Variants in ZFYVE9 observed in about 807,000 individuals in gnomAD.
ZFYVE9 encodes the protein zinc finger FYVE-type containing 9, also known as zinc finger FYVE domain-containing protein 9.
A neutral mutation model predicts 126.7 loss-of-function variants in ZFYVE9; 43 were observed. The ratio of observed to expected loss-of-function variants is 0.34; its 90% confidence interval spans 0.27 to 0.44. The LOEUF is 0.44. ZFYVE9 is among the 20% of genes least tolerant of loss of function. The probability of loss-of-function intolerance (pLI) is 1.00; values close to 1 mark genes in which losing one functional copy is unlikely to be tolerated. For synonymous variants in ZFYVE9, 521 were observed against 597.4 expected (o/e 0.87, Z 1.87); for missense variants, 1,476 against 1,697.0 (o/e 0.87, Z 2.29).
chr1:52,285,168 C>G (rs1258852635), intron 10 of ZFYVE9, among the ~76,000 whole-genome samples: 1 of 152,074 alleles, frequency 6.6e-6, no homozygotes, highest in Non-Finnish European at 1.5e-5. Context: ...TCAGTTGCCT[C>G]TGTGTACCAT....
intron 13 of ZFYVE9, among the ~76,000 whole-genome samples, chr1:52,330,892 A>C (rs2147868275): frequency 6.6e-6 from 1 of 152,182 alleles, no homozygotes; most frequent in Admixed American, 6.5e-5. Flanking sequence ...TTTTTGAGAT[A>C]GTCTCCCTGT....
intron 15 of ZFYVE9, among the ~76,000 whole-genome samples, chr1:52,336,702 A>G (rs1340315119): frequency 6.6e-6 from 1 of 152,096 alleles, no homozygotes; most frequent in Non-Finnish European, 1.5e-5. Flanking sequence ...TAAAGCAACT[A>G]GTTAAAGCCT....
chr1:52,338,586 A>T (rs923871905), intron 16 of ZFYVE9, among the ~76,000 whole-genome samples: 4 of 152,218 alleles, frequency 2.6e-5, no homozygotes, highest in Admixed American at 2.6e-4. Flanking sequence ...TACACAACAA[A>T]GGGTGCTCTT....
chr1:52,237,476 A>G lies in ZFYVE9; in HGVS notation c.71-12A>G. Reference sequence around the variant, plus strand: ...ACAAGCAAACTTATTGTAATTACTTATTTTTTTCCAGATGAAACAGTTTCT... The same window carrying G: ...ACAAGCAAACTTATTGTAATTACTTGTTTTTTTCCAGATGAAACAGTTTCT... On this transcript the variant is annotated splice_polypyrimidine_tract_variant and intron_variant, in intron 3 of 18. Coordinates refer to ENST00000287727, the MANE Select transcript of ZFYVE9 (RefSeq NM_004799.4). 1.3e-6 allele frequency: 2 copies of G among 1,578,226 alleles called. No individual in the cohort carries two copies. Among genetic ancestry groups the G allele is most frequent in the South Asian group, 2.3e-5 (2 of 86,416 alleles).
chr1:52,144,684 G>A (rs1317776800), intron 1 of ZFYVE9, among the ~76,000 whole-genome samples: 3 of 141,812 alleles, frequency 2.1e-5, no homozygotes, highest in Non-Finnish European at 3.0e-5. Flanking sequence ...GTCATTTTTC[G>A]TAGTAAATAA....
At chr1:52,218,315 GTTATC>G (rs1015621653) in intron 2 of ZFYVE9, among the ~76,000 whole-genome samples, 2 of 152,260 alleles carry the variant, frequency 1.3e-5, no homozygotes, top group African/African-American at 4.8e-5. Context: ...TGACTGATTG[GTTATC>G]TCTTGAAAAG....
intron 2 of ZFYVE9, among the ~76,000 whole-genome samples, chr1:52,225,032 C>T (rs1234026117): frequency 6.6e-6 from 1 of 152,140 alleles, no homozygotes; most frequent in Non-Finnish European, 1.5e-5. Flanking sequence ...GACCACAGAA[C>T]CGAGTCCGGA....
intron 2 of ZFYVE9, among the ~76,000 whole-genome samples, chr1:52,232,598 CT>C (rs1473967220): frequency 6.6e-6 from 1 of 151,824 alleles, no homozygotes; most frequent in Non-Finnish European, 1.5e-5. Flanking sequence ...CATGGTGGTG[CT>C]TGCCTGTAAT....
chr1:52,188,791 CTTTT>C (rs775709586), intron 1 of ZFYVE9, among the ~76,000 whole-genome samples: 1 of 150,596 alleles, frequency 6.6e-6, no homozygotes, highest in African/African-American at 2.4e-5. Context: ...TTTAAGATAG[CTTTT>C]TTTTTATGTT....
intron 10 of ZFYVE9, among the ~76,000 whole-genome samples, chr1:52,286,265 A>G (rs1645858112): frequency 6.6e-6 from 1 of 152,186 alleles, no homozygotes; most frequent in African/African-American, 2.4e-5. Context: ...GAAACCTTGA[A>G]TACTGTATTA....
chr1:52,288,514 T>C (rs887632152), intron 10 of ZFYVE9, among the ~76,000 whole-genome samples: 11 of 152,328 alleles, frequency 7.2e-5, no homozygotes, highest in African/African-American at 2.4e-4. Context: ...ACTGAGGACA[T>C]GACCTTTTAT....
intron 1 of ZFYVE9, chr1:52,180,616 T>A: frequency 1.9e-6 from 1 of 529,044 alleles, no homozygotes; most frequent in East Asian, 3.3e-5. Flanking sequence ...AAGGATAAAG[T>A]AAGAATGAAT....
intron 4 of ZFYVE9, among the ~76,000 whole-genome samples, chr1:52,251,611 T>TGAG (rs60353817): frequency 0.14 from 21,923 of 152,116 alleles, 2,228 homozygotes; most frequent in African/African-American, 0.29. Context: ...ATTATTTTCT[T>TGAG]GAGTTTTGTA....
In ZFYVE9 at chr1:52,285,951, T is replaced by C. The variant is rs1412963257; in HGVS notation, c.3025+4135T>C. ...GGGTGGATCACCTTAGCTCAGGAGT[T>C]CAAGACCATCCTGGCCAACATGGTG... On this transcript the variant is annotated intron_variant, in intron 10 of 18. Transcript: ENST00000287727. Among the ~76,000 whole-genome samples, 5 of 151,978 alleles carry C rather than the reference T, an allele frequency of 3.3e-5. No homozygotes were observed. In the East Asian group the frequency reaches 9.7e-4, roughly 29 times the overall value.
chr1:52,183,720 G>T (rs758490705), intron 1 of ZFYVE9, among the ~76,000 whole-genome samples: 4 of 152,156 alleles, frequency 2.6e-5, no homozygotes, highest in Non-Finnish European at 4.4e-5. Context: ...TGCCCAGGCT[G>T]GTCTCAAACT....
intron 1 of ZFYVE9, among the ~76,000 whole-genome samples, chr1:52,159,977 T>C (rs1644440441): frequency 6.6e-6 from 1 of 151,584 alleles, no homozygotes; most frequent in African/African-American, 2.4e-5. Flanking sequence ...TTTGTATTTT[T>C]AGTAGAGTCG....
intron 13 of ZFYVE9, among the ~76,000 whole-genome samples, chr1:52,311,787 TTTTA>T (rs1337246177): frequency 5.9e-5 from 9 of 152,046 alleles, no homozygotes; most frequent in South Asian, 2.1e-4. Context: ...TAATTTTTAT[TTTTA>T]TTTATTTATT....
chr1:52,229,129 A>G (rs1017365770), intron 2 of ZFYVE9, among the ~76,000 whole-genome samples: 1 of 152,026 alleles, frequency 6.6e-6, no homozygotes, highest in Non-Finnish European at 1.5e-5. Context: ...CAGCCTACCA[A>G]AGTACTGGGA....
At chr1:52,284,381 A>G (rs551001821) in intron 10 of ZFYVE9, among the ~76,000 whole-genome samples, 5 of 152,078 alleles carry the variant, frequency 3.3e-5, no homozygotes, top group Admixed American at 1.3e-4. Context: ...CAAGGAGAGG[A>G]TGTGAATTAT....
Sources: gnomAD v4.1 joint callset for allele counts (sites outside exome capture counted in the v4.1 genomes callset) on GRCh38, gnomAD v4.1.1 for gene constraint, MANE v1.5 for transcripts, NCBI Gene and HGNC (gene_info 2026-07-23, HGNC 2026-07-21) for gene names.